The following MMS19 variants were observed in gnomAD, a reference collection of about 807,000 sequenced individuals.
MMS19 encodes the protein MMS19 nucleotide excision repair protein homolog.
Under a neutral mutation model 129.8 loss-of-function variants are expected in MMS19, and 77 were observed. That is an observed-to-expected ratio of 0.59 (90% CI 0.49 to 0.72). The LOEUF (loss-of-function observed/expected upper bound fraction) is 0.72, where lower values mean the gene tolerates loss of function less well. Among genes scored for constraint, MMS19 ranks in the 30% least tolerant of loss-of-function variants. The pLI is 0.00. For synonymous variants in MMS19, 491 were observed against 502.8 expected (o/e 0.98, Z 0.31); for missense variants, 1,168 against 1,266.3 (o/e 0.92, Z 1.18).
chr10:97,493,797 C>T (rs1377899859), intron 1 of MMS19, among the ~76,000 whole-genome samples: 1 of 152,176 alleles, frequency 6.6e-6, no homozygotes, highest in Non-Finnish European at 1.5e-5. Flanking sequence ...GGCAGATCAC[C>T]TGAGGTCGGA....
At chr10:97,469,806 A>C in intron 10 of MMS19, 83 bp from the exon 11 acceptor site, 4 of 1,179,848 alleles carry the variant, frequency 3.4e-6, no homozygotes, top group Non-Finnish European at 5.0e-6. Flanking sequence ...ATGGCACCTG[A>C]AGGAGCCCTG....
At chr10:97,469,243 T>C in intron 11 of MMS19, 139 bp from the exon 12 acceptor site, 1 of 1,062,604 alleles carries the variant, frequency 9.4e-7, no homozygotes, top group South Asian at 1.7e-5. Context: ...CCCAACTGAG[T>C]GTCTTCTCAA....
intron 23 of MMS19, 106 bp from the exon 24 acceptor site, chr10:97,461,113 G>C (rs530683804): frequency 1.1e-6 from 1 of 930,880 alleles, no homozygotes; most frequent in Admixed American, 2.8e-5. Context: ...CTGTTAGAAA[G>C]GGAAAATATC....
chr10:97,494,182 T>C (rs377604248), intron 1 of MMS19, among the ~76,000 whole-genome samples: 32 of 152,342 alleles, frequency 2.1e-4, no homozygotes, highest in African/African-American at 7.7e-4. Flanking sequence ...TTTCCCTTTA[T>C]AGGAGGGTCT....
At position 97,469,679 on chromosome 10, in the gene MMS19, G is replaced by T. The variant is rs2034277689; in HGVS notation, c.891C>A (p.Phe297Leu). The T allele has an allele frequency of 6.2e-7, 1 of 1,613,936 alleles. No individual in the cohort carries two copies. The highest frequency in any genetic ancestry group is 8.5e-7 in the Non-Finnish European group (1 of 1,179,858). ...AVYGQKELKD[F>L]LPSLWASIRR... ...GGATAGAAGCCCAAAGGCTGGGGAGGAAGTCCTTCAGTTCCTTCTGTCCAT... is the reference window on the plus strand; with the variant it reads ...GGATAGAAGCCCAAAGGCTGGGGAGTAAGTCCTTCAGTTCCTTCTGTCCAT... Residue 297 changes from phenylalanine (F) to leucine (L), a missense_variant, in exon 11 of 31, where the codon TTC (phenylalanine) becomes TTA (leucine). Phe to Leu is a conservative substitution (Grantham distance 22). Coordinates refer to ENST00000438925, the MANE Select transcript of MMS19 (RefSeq NM_022362.5).
At chr10:97,482,198 T>C (rs1311652608) in intron 2 of MMS19, among the ~76,000 whole-genome samples, 1 of 151,980 alleles carries the variant, frequency 6.6e-6, no homozygotes, top group Non-Finnish European at 1.5e-5. Flanking sequence ...AAAAAGAAAA[T>C]TATGCATTTG....
At chr10:97,486,892 T>TATATATATATATATATAA (rs1564695284) in intron 1 of MMS19, among the ~76,000 whole-genome samples, 1 of 132,196 alleles carries the variant, frequency 7.6e-6, no homozygotes, top group African/African-American at 2.7e-5. Context: ...TATATATATA[T>TATATATATATATATATAA]ATAAAATTAA....
intron 3 of MMS19, among the ~76,000 whole-genome samples, chr10:97,480,684 C>T (rs557528393): frequency 3.3e-4 from 50 of 152,230 alleles, no homozygotes; most frequent in Non-Finnish European, 6.2e-4. Flanking sequence ...TGGGTTCAAG[C>T]GATTCCTGCC....
At position 97,468,981 on chromosome 10, in the gene MMS19, TAAGG is replaced by T. The variant is rs2034127451; in HGVS notation, c.1044_1047del (p.Phe348LeufsTer17). 6 of 1,589,028 alleles carry T rather than the reference TAAGG, an allele frequency of 3.8e-6. No individual in the cohort carries two copies. Among genetic ancestry groups the T allele is most frequent in the Non-Finnish European group, 5.1e-6 (6 of 1,167,330 alleles). On this transcript the variant is annotated frameshift_variant, in exon 12 of 31. Coordinates refer to ENST00000438925, the MANE Select transcript of MMS19 (RefSeq NM_022362.5). LOFTEE classifies it high-confidence loss of function. Reference sequence around the variant, plus strand: ...GCCCCATTACCCTGTAGAATGTTGCTAAGGAAGGAGTCAAGGAGGTCCTCAGCAT... The same window carrying T: ...GCCCCATTACCCTGTAGAATGTTGCTAAGGAGTCAAGGAGGTCCTCAGCAT...
At chr10:97,478,195 T>G in intron 4 of MMS19, 109 bp downstream of exon 4, 1 of 853,460 alleles carries the variant, frequency 1.2e-6, no homozygotes, top group African/African-American at 1.7e-5. Context: ...AGTCCCACAC[T>G]TGGGCACCTG....
intron 8 of MMS19, among the ~76,000 whole-genome samples, chr10:97,474,963 C>T (rs1302891911): frequency 6.6e-6 from 1 of 152,186 alleles, no homozygotes; most frequent in Non-Finnish European, 1.5e-5. Flanking sequence ...TATAAATGCA[C>T]ATATTCTTTG....
intron 8 of MMS19, among the ~76,000 whole-genome samples, chr10:97,474,156 A>T (rs1439388200): frequency 2.0e-5 from 3 of 151,784 alleles, no homozygotes; most frequent in African/African-American, 7.3e-5. Context: ...AAAAAGGGAA[A>T]GAAAAAGTTT....
chr10:97,461,122 T>C (rs1448407859), intron 23 of MMS19, 115 bp from the exon 24 acceptor site: 3 of 878,156 alleles, frequency 3.4e-6, no homozygotes, highest in Non-Finnish European at 5.2e-6. Context: ...AGGGAAAATA[T>C]CATTTTTGCC....
intron 18 of MMS19, among the ~76,000 whole-genome samples, chr10:97,464,676 A>G (rs575114421): frequency 1.3e-5 from 2 of 151,816 alleles, no homozygotes; most frequent in African/African-American, 4.8e-5. Flanking sequence ...ATCCCACATG[A>G]AAATTACCTA....
chr10:97,459,859 C>G, intron 26 of MMS19, 118 bp from the exon 27 acceptor site: 1 of 1,009,902 alleles, frequency 9.9e-7, no homozygotes, highest in Non-Finnish European at 1.5e-6. Flanking sequence ...AAGAGCCCTT[C>G]ACGCTCAGAA....
At chr10:97,461,472 C>T (rs777085994) in intron 23 of MMS19, 24 bp downstream of exon 23, 53 of 1,605,134 alleles carry the variant, frequency 3.3e-5, no homozygotes, top group East Asian at 4.5e-5. Context: ...CTGGGAGGCT[C>T]CTTACATAGT....
At chr10:97,489,563 T>A (rs2038520221) in intron 1 of MMS19, among the ~76,000 whole-genome samples, 1 of 152,250 alleles carries the variant, frequency 6.6e-6, no homozygotes, top group African/African-American at 2.4e-5. Flanking sequence ...AGGTTAGCAC[T>A]GATACACACT....
At position 97,460,966 on chromosome 10, in the gene MMS19, C is replaced by G. The variant is rs758416659; in HGVS notation, c.2353G>C (p.Val785Leu). Residue 785 changes from valine (V) to leucine (L), a missense_variant, in exon 24 of 31, where the codon GTG becomes CTG. This residue lies in a region of MMS19 where 831 missense variants were observed against 910.8 expected (regional missense o/e 0.91). Transcript: ENST00000438925. Reference protein sequence around the residue: ...DEFLQLAVDKVEAGLGSGPCR... With the variant: ...DEFLQLAVDKLEAGLGSGPCR... ...GGCCCAGAGCCCAGGCCAGCCTCCA[C>G]TTTGTCCACAGCTAGCTGTAGGAAT... 3.8e-6 allele frequency: 6 copies of G among 1,574,956 alleles called. No individual in the cohort carries two copies. The South Asian group carries it at 7.0e-5, about 18-fold the overall frequency.
chr10:97,475,607 G>A (rs29001292), intron 8 of MMS19, among the ~76,000 whole-genome samples: 232 of 151,874 alleles, frequency 1.5e-3, no homozygotes, highest in Non-Finnish European at 2.6e-3. Context: ...GCATGGTGGC[G>A]GGCGCCTGTA....
Sources: gnomAD v4.1 joint callset for allele counts (sites outside exome capture counted in the v4.1 genomes callset) on GRCh38, gnomAD v4.1.1 for gene constraint, gnomAD v4.1.1 regional missense constraint, MANE v1.5 for transcripts, NCBI Gene and HGNC (gene_info 2026-07-23, HGNC 2026-07-21) for gene names.